CSMD1: variants seen among roughly 807,000 people sequenced by gnomAD.
CSMD1 encodes the protein CUB and sushi domain-containing protein 1.
A neutral mutation model predicts 417.5 loss-of-function variants in CSMD1; 213 were observed. The ratio of observed to expected loss-of-function variants is 0.51; its 90% CI spans 0.46 to 0.57. CSMD1 has a LOEUF of 0.57. Among genes scored for constraint, CSMD1 ranks in the 20% least tolerant of loss-of-function variants. The probability of loss-of-function intolerance (pLI) is 0.00; values close to 1 mark genes in which losing one functional copy is unlikely to be tolerated. For missense variants in CSMD1, 6,923 were observed against 4,529.7 expected (o/e 1.53, Z -15.17); for synonymous variants, 2,862 against 1,736.8 (o/e 1.65, Z -16.11).
At chr8:4,079,664 G>C (rs183573094) in intron 3 of CSMD1, among the ~76,000 whole-genome samples, 38 of 152,310 alleles carry the variant, frequency 2.5e-4, no homozygotes, top group Admixed American at 1.3e-3. Context: ...CAGCGTTCTT[G>C]TGGGTTCACA....
intron 5 of CSMD1, among the ~76,000 whole-genome samples, chr8:3,838,994 AATT>A (rs1802915770): frequency 7.9e-6 from 1 of 126,298 alleles, no homozygotes; most frequent in African/African-American, 2.9e-5. Flanking sequence ...TATATCATAT[AATT>A]ATAATATTAT....
At chr8:4,838,470 G>A (rs568345838) in intron 1 of CSMD1, among the ~76,000 whole-genome samples, 337 of 152,318 alleles carry the variant, frequency 2.2e-3, no homozygotes, top group Admixed American at 5.4e-3. Context: ...CTGCCCTGAT[G>A]AAGATGCTTC....
chr8:4,434,590 T>A (rs182898566), intron 2 of CSMD1, among the ~76,000 whole-genome samples: 2 of 152,154 alleles, frequency 1.3e-5, no homozygotes, highest in Non-Finnish European at 2.9e-5. Context: ...CATGTTACAG[T>A]CAATGAAGCT....
intron 5 of CSMD1, among the ~76,000 whole-genome samples, chr8:3,949,305 A>C (rs2688293): frequency 0.93 from 140,793 of 152,158 alleles, 65,200 homozygotes; most frequent in African/African-American, 0.97. Context: ...AAACTTTCTC[A>C]TCCTGTCTCA....
chr8:4,767,521 C>A (rs949093457), intron 1 of CSMD1, among the ~76,000 whole-genome samples: 31 of 152,162 alleles, frequency 2.0e-4, no homozygotes, highest in African/African-American at 7.5e-4. Context: ...CTTACCCCCA[C>A]ATGGATTAGT....
chr8:3,493,808 T>A, intron 10 of CSMD1, 82 bp from the exon 11 acceptor site: 2 of 1,209,714 alleles, frequency 1.7e-6, no homozygotes, highest in Non-Finnish European at 2.4e-6. Context: ...TATCTAGTTA[T>A]ACTGTTAAAT....
chr8:4,050,658 C>T (rs1489595152), intron 3 of CSMD1, among the ~76,000 whole-genome samples: 2 of 151,976 alleles, frequency 1.3e-5, no homozygotes, highest in African/African-American at 4.8e-5. Flanking sequence ...TATTCGTTCT[C>T]TTTTTTTGGA....
intron 5 of CSMD1, among the ~76,000 whole-genome samples, chr8:3,927,090 T>G (rs924452928): frequency 3.9e-5 from 6 of 151,934 alleles, no homozygotes; most frequent in Admixed American, 3.3e-4. Flanking sequence ...GTAATTATCT[T>G]TAGGTATTAT....
At chr8:3,272,803 G>A (rs1317285612) in intron 26 of CSMD1, among the ~76,000 whole-genome samples, 1 of 150,342 alleles carries the variant, frequency 6.7e-6, no homozygotes, top group Admixed American at 6.7e-5. Flanking sequence ...CTTTGCTGAA[G>A]TTGCTTATCA....
chr8:3,619,704 G>A (rs982924081), intron 7 of CSMD1, among the ~76,000 whole-genome samples: 1 of 152,186 alleles, frequency 6.6e-6, no homozygotes, highest in African/African-American at 2.4e-5. Context: ...AGCAGAAAGA[G>A]AAAAGCAAGT....
chr8:4,361,643 T>G (rs1233135965), intron 3 of CSMD1, among the ~76,000 whole-genome samples: 1 of 152,150 alleles, frequency 6.6e-6, no homozygotes, highest in Non-Finnish European at 1.5e-5. Flanking sequence ...TTGTTTTGTT[T>G]TTCCTTAAAG....
At chr8:2,991,673 C>A (rs191082119) in intron 54 of CSMD1, among the ~76,000 whole-genome samples, 1 of 152,068 alleles carries the variant, frequency 6.6e-6, no homozygotes, top group East Asian at 1.9e-4. Flanking sequence ...AGCAAAAATG[C>A]GAGTGAATAT....
At chr8:4,706,718 A>G (rs1275044281) in intron 1 of CSMD1, among the ~76,000 whole-genome samples, 1 of 152,200 alleles carries the variant, frequency 6.6e-6, no homozygotes, top group East Asian at 1.9e-4. Context: ...AACAAAAGAC[A>G]GAGATGTGGC....
intron 10 of CSMD1, among the ~76,000 whole-genome samples, chr8:3,511,205 G>T (rs1161444892): frequency 7.3e-5 from 11 of 151,688 alleles, no homozygotes; most frequent in African/African-American, 2.7e-4. Context: ...ACAGGAAGGG[G>T]AATATCATAC....
rs929151649 is a variant in CSMD1, at chr8:4,098,934, C to G, written c.416-66835G>C. 4.6e-5 allele frequency among the ~76,000 whole-genome samples: 7 copies of G among 152,070 alleles called. No individual in the cohort carries two copies. The East Asian group carries it at 1.2e-3, about 25-fold the overall frequency. ...CAGTATTAGAGACTGGGGTACAACA[C>G]AGAAAAAATGTTAAAACTGTTTTAC... On this transcript the variant is annotated intron_variant, in intron 3 of 69. Coordinates refer to ENST00000635120, the MANE Select transcript of CSMD1 (RefSeq NM_033225.6).
chr8:3,622,640 G>C (rs572208316), intron 7 of CSMD1, among the ~76,000 whole-genome samples: 71 of 152,200 alleles, frequency 4.7e-4, no homozygotes, highest in Non-Finnish European at 9.0e-4. Context: ...GCAGATGGTA[G>C]AAGATAACAA....
chr8:4,204,270 A>G (rs1027532451), intron 3 of CSMD1, among the ~76,000 whole-genome samples: 1 of 152,082 alleles, frequency 6.6e-6, no homozygotes, highest in Non-Finnish European at 1.5e-5. Context: ...CTAGGAAAAA[A>G]AAAAAACCTC....
intron 5 of CSMD1, among the ~76,000 whole-genome samples, chr8:3,951,940 C>T (rs778104622): frequency 4.0e-5 from 6 of 151,778 alleles, no homozygotes; most frequent in East Asian, 1.9e-4. Flanking sequence ...AAATAGATAT[C>T]GAATACATAA....
chr8:3,113,539 T>C (rs573275018), intron 42 of CSMD1, among the ~76,000 whole-genome samples: 25 of 152,318 alleles, frequency 1.6e-4, no homozygotes, highest in African/African-American at 6.0e-4. Flanking sequence ...GGCGGTGATG[T>C]CTAACTTGAA....
Sources: allele counts gnomAD v4.1 joint callset (sites outside exome capture counted in the v4.1 genomes callset), GRCh38; gene constraint gnomAD v4.1.1; transcripts MANE v1.5; gene names NCBI Gene and HGNC (gene_info 2026-07-23, HGNC 2026-07-21).